CLEC4A: variants seen among roughly 807,000 people sequenced by gnomAD.
CLEC4A encodes C-type lectin domain family 4 member A.
A neutral mutation model predicts 32.7 loss-of-function variants in CLEC4A; 27 were observed. The ratio of observed to expected loss-of-function variants is 0.83; its 90% CI spans 0.61 to 1.14. The LOEUF is 1.14. Among genes scored for constraint, CLEC4A ranks in the 50% most tolerant of loss-of-function variants. CLEC4A has a pLI of 0.00. For missense variants in CLEC4A, 253 were observed against 274.6 expected, an observed-to-expected ratio of 0.92 and a Z score of 0.55; for synonymous variants, 89 against 93.7, an observed-to-expected ratio of 0.95 and a Z score of 0.29.
chr12:8,105,992 G>A, the CLEC4A span, among the ~76,000 whole-genome samples: 1 of 152,048 alleles, frequency 6.6e-6, no homozygotes, highest in Admixed American at 6.5e-5. Flanking sequence ...TATTTCCTAG[G>A]TTATCTTTCA....
chr12:8,132,628 G>A (rs1170444367), intron 3 of CLEC4A, among the ~76,000 whole-genome samples: 2 of 152,148 alleles, frequency 1.3e-5, no homozygotes, highest in Non-Finnish European at 2.9e-5. Flanking sequence ...TGGGTGGAGC[G>A]TTCTATAAAT....
chr12:8,137,773 G>GA (rs1284636412), intron 5 of CLEC4A, among the ~76,000 whole-genome samples: 2 of 151,994 alleles, frequency 1.3e-5, no homozygotes, highest in Admixed American at 1.3e-4. Flanking sequence ...TTAAAAAAAG[G>GA]AAAAAACTCT....
intron 2 of CLEC4A, among the ~76,000 whole-genome samples, chr12:8,127,408 G>A (rs1947920183): frequency 6.6e-6 from 1 of 152,198 alleles, no homozygotes; most frequent in African/African-American, 2.4e-5. Context: ...GATCCAGGCG[G>A]TGGAGAAATA....
At chr12:8,110,913 G>T in the CLEC4A span, among the ~76,000 whole-genome samples, 53 of 150,154 alleles carry the variant, frequency 3.5e-4, no homozygotes, top group East Asian at 2.0e-4. Flanking sequence ...TCGCTCTGTC[G>T]CCCAGGCTGG....
chr12:8,111,963 G>GTGTGTGTGTA, the CLEC4A span, among the ~76,000 whole-genome samples: 3 of 142,604 alleles, frequency 2.1e-5, no homozygotes, highest in African/African-American at 5.4e-5. Flanking sequence ...GTGTGTGTGT[G>GTGTGTGTGTA]TATTTTATTT....
chr12:8,120,030 A>ACTGAGAGGGTC (rs1947818554), upstream of CLEC4A, among the ~76,000 whole-genome samples: 1 of 152,236 alleles, frequency 6.6e-6, no homozygotes, highest in Non-Finnish European at 1.5e-5. Context: ...TGGGGTAAGG[A>ACTGAGAGGGTC]CTGAGAGGGT....
the CLEC4A span, among the ~76,000 whole-genome samples, chr12:8,110,461 G>A: frequency 6.6e-6 from 1 of 152,088 alleles, no homozygotes; most frequent in Non-Finnish European, 1.5e-5. Flanking sequence ...ATTATATGCT[G>A]CACTATTTCA....
the CLEC4A span, among the ~76,000 whole-genome samples, chr12:8,103,363 GTTTC>G: frequency 4.3e-5 from 2 of 46,930 alleles, no homozygotes; most frequent in Admixed American, 4.6e-4. Context: ...TTGTTTCTTT[GTTTC>G]TTTCTGTTGT....
the CLEC4A span, among the ~76,000 whole-genome samples, chr12:8,114,311 C>A: frequency 1.1e-4 from 17 of 151,936 alleles, no homozygotes; most frequent in Admixed American, 3.9e-4. Context: ...GTGGCGTGAT[C>A]TCGGCTCACT....
At chr12:8,134,377 T>A in intron 3 of CLEC4A, 1 of 1,612,956 alleles carries the variant, frequency 6.2e-7, no homozygotes, top group Non-Finnish European at 8.5e-7. Flanking sequence ...TATCCCAGGG[T>A]GATCCTCTTC....
At chr12:8,132,750 T>A (rs1212201218) in intron 3 of CLEC4A, among the ~76,000 whole-genome samples, 1 of 152,204 alleles carries the variant, frequency 6.6e-6, no homozygotes, top group Non-Finnish European at 1.5e-5. Context: ...CACCTATAAT[T>A]GTATATTTGT....
At chr12:8,105,217 T>C in the CLEC4A span, among the ~76,000 whole-genome samples, 2 of 152,212 alleles carry the variant, frequency 1.3e-5, no homozygotes, top group South Asian at 4.1e-4. Flanking sequence ...TGTTCCCTTT[T>C]TCCTGCAGCC....
rs1005091945 is a variant in CLEC4A, at chr12:8,129,357, T to G, written c.293T>G (p.Val98Gly). The G allele has an allele frequency of 1.4e-5, 22 of 1,599,508 alleles. No individual in the cohort carries two copies. Among genetic ancestry groups the G allele is most frequent in the Non-Finnish European group, 1.6e-5 (19 of 1,169,320 alleles). ...TLECVKKNMP[V>G]EETAWSCCPK... is the part of the protein sequence containing the mutation. ...GAGTGTGTGAAAAAAAATATGCCCG[T>G]GGAAGGTAAAAATTAATGTGCCTAG... is the stretch of plus-strand genomic sequence containing the variant. Residue 98 changes from valine (V) to glycine (G), a missense_variant, in exon 3 of 6, where the codon GTG becomes GGG. By Grantham distance (109) the Val-to-Gly change is moderately radical (BLOSUM62 -3). Coordinates refer to ENST00000229332, the MANE Select transcript of CLEC4A (RefSeq NM_016184.4).
chr12:8,116,957 C>T, the CLEC4A span, among the ~76,000 whole-genome samples: 1 of 152,176 alleles, frequency 6.6e-6, no homozygotes, highest in African/African-American at 2.4e-5. Context: ...ACTTAGGAGA[C>T]ATAGCAAAGC....
At chr12:8,134,686 C>T in intron 3 of CLEC4A, 1 of 1,577,076 alleles carries the variant, frequency 6.3e-7, no homozygotes, top group Non-Finnish European at 8.6e-7. Flanking sequence ...CCCCACTCCT[C>T]AGAGCCTGGC....
chr12:8,111,840 C>T, the CLEC4A span, among the ~76,000 whole-genome samples: 227 of 149,058 alleles, frequency 1.5e-3, no homozygotes, highest in African/African-American at 5.5e-3. Context: ...GGGTGAAATG[C>T]GATTAATTAA....
At chr12:8,134,087 G>A in intron 3 of CLEC4A, 1 of 1,588,808 alleles carries the variant, frequency 6.3e-7, no homozygotes, top group South Asian at 1.1e-5. Context: ...CTGCTGCAGT[G>A]TGGGTTTCGG....
At position 8,138,313 on chromosome 12, in the gene CLEC4A, G is replaced by T; in HGVS notation, c.*26G>T. 1.2e-6 allele frequency: 2 copies of T among 1,613,472 alleles called. No homozygotes were observed. Among genetic ancestry groups the T allele is most frequent in the Non-Finnish European group, 1.7e-6 (2 of 1,179,528 alleles). On this transcript the variant is annotated 3_prime_UTR_variant, in exon 6 of 6. Coordinates refer to ENST00000229332, the MANE Select transcript of CLEC4A (RefSeq NM_016184.4). ...ACTGAACATTCTCCATGAACAGGTGGTTGGATTGGTATCTGTCATTGTAGG... is the reference window on the plus strand; with the variant it reads ...ACTGAACATTCTCCATGAACAGGTGTTTGGATTGGTATCTGTCATTGTAGG...
At chr12:8,109,759 G>A in the CLEC4A span, among the ~76,000 whole-genome samples, 11 of 152,156 alleles carry the variant, frequency 7.2e-5, no homozygotes, top group Non-Finnish European at 1.6e-4. Context: ...AACAGGGCCT[G>A]GAATATGGTA....
Sources: gnomAD v4.1 joint callset for allele counts (sites outside exome capture counted in the v4.1 genomes callset) on GRCh38, gnomAD v4.1.1 for gene constraint, MANE v1.5 for transcripts, NCBI Gene and HGNC (gene_info 2026-07-23, HGNC 2026-07-21) for gene names.